The following CCDC171 variants were observed in gnomAD, a reference collection of about 807,000 sequenced individuals.
The protein encoded by CCDC171 is coiled-coil domain containing 171, also known as coiled-coil domain-containing protein 171.
In CCDC171, 177 loss-of-function variants were observed where a neutral mutation model predicts 168.2. That is an observed-to-expected ratio of 1.05 (90% CI 0.93 to 1.19). The LOEUF is 1.19. CCDC171 is among the 50% of genes most tolerant of loss of function. The pLI, the probability that CCDC171 is intolerant of heterozygous loss-of-function variation, is 0.00. For missense variants in CCDC171, 1,991 were observed against 1,539.0 expected (o/e 1.29, Z -4.91); for synonymous variants, 687 against 540.8 (o/e 1.27, Z -3.75).
At chr9:15,885,346 G>T (rs1411832189) in intron 24 of CCDC171, among the ~76,000 whole-genome samples, 6 of 152,064 alleles carry the variant, frequency 3.9e-5, no homozygotes, top group African/African-American at 1.4e-4. Context: ...AATGTTAAGA[G>T]GCAAAAACTA....
intron 6 of CCDC171, among the ~76,000 whole-genome samples, chr9:16,033,022 C>A (rs1833391801): frequency 6.6e-6 from 1 of 152,118 alleles, no homozygotes; most frequent in Non-Finnish European, 1.5e-5. Flanking sequence ...ACCTGCTGGC[C>A]AGAGGAGGGC....
intron 24 of CCDC171, among the ~76,000 whole-genome samples, chr9:15,901,041 TTA>T (rs1821573064): frequency 6.6e-6 from 1 of 152,152 alleles, no homozygotes. Flanking sequence ...CCTTAATAAC[TTA>T]TATATGTGTT....
intron 16 of CCDC171, among the ~76,000 whole-genome samples, chr9:15,737,122 A>G (rs1488378842): frequency 1.3e-5 from 2 of 152,010 alleles, no homozygotes; most frequent in Admixed American, 6.6e-5. Flanking sequence ...TATATCATAA[A>G]TTGCTACTGT....
intron 8 of CCDC171, among the ~76,000 whole-genome samples, chr9:15,661,952 A>G (rs1426814259): frequency 6.6e-6 from 1 of 152,212 alleles, no homozygotes; most frequent in Non-Finnish European, 1.5e-5. Context: ...AGTTGTATCT[A>G]CCTATTTTAC....
intron 2 of CCDC171, among the ~76,000 whole-genome samples, chr9:15,568,174 T>C (rs2039901692): frequency 6.6e-6 from 1 of 152,164 alleles, no homozygotes; most frequent in African/African-American, 2.4e-5. Flanking sequence ...ATGTCCTTTG[T>C]AATTAAAGAC....
At chr9:15,989,951 A>C (rs1832131195) in intron 3 of CCDC171, among the ~76,000 whole-genome samples, 1 of 152,236 alleles carries the variant, frequency 6.6e-6, no homozygotes, top group South Asian at 2.1e-4. Flanking sequence ...TCTATGTCTG[A>C]TTGGTGTACT....
chr9:15,942,607 G>C (rs1564035023), intron 25 of CCDC171, among the ~76,000 whole-genome samples: 4 of 151,874 alleles, frequency 2.6e-5, no homozygotes, highest in Admixed American at 6.6e-5. Context: ...TATACTAGTA[G>C]ACAATCTGTA....
At chr9:16,080,945 C>T in the CCDC171 span, among the ~76,000 whole-genome samples, 11 of 152,294 alleles carry the variant, frequency 7.2e-5, no homozygotes, top group Admixed American at 6.5e-4. Context: ...AGTTCTCTAA[C>T]AAGCTCTGAT....
At chr9:15,810,337 T>C (rs561117812) in intron 21 of CCDC171, among the ~76,000 whole-genome samples, 2 of 152,332 alleles carry the variant, frequency 1.3e-5, no homozygotes, top group African/African-American at 4.8e-5. Flanking sequence ...TGGCTTTGCC[T>C]AGTGGATCCC....
chr9:15,999,106 G>T (rs1245583946), intron 3 of CCDC171, among the ~76,000 whole-genome samples: 3 of 151,872 alleles, frequency 2.0e-5, no homozygotes, highest in African/African-American at 7.3e-5. Context: ...AACTACACAG[G>T]ATGCTGAGAT....
At chr9:16,020,104 T>C (rs1475970385) in intron 3 of CCDC171, among the ~76,000 whole-genome samples, 1 of 152,072 alleles carries the variant, frequency 6.6e-6, no homozygotes, top group Non-Finnish European at 1.5e-5. Context: ...ATCCAAAAGC[T>C]CCATAATCCA....
chr9:15,646,543 A>C (rs1216734078), intron 7 of CCDC171, among the ~76,000 whole-genome samples: 3 of 152,232 alleles, frequency 2.0e-5, no homozygotes, highest in Admixed American at 2.0e-4. Context: ...CTTAAAATGA[A>C]GGGATGGAGG....
intron 18 of CCDC171, among the ~76,000 whole-genome samples, chr9:15,761,434 T>C (rs2056439277): frequency 1.3e-5 from 2 of 152,108 alleles, no homozygotes; most frequent in Non-Finnish European, 2.9e-5. Context: ...TTAAAAAAAT[T>C]ATAAAAAGAA....
At chr9:15,615,245 AGTCAG>A (rs1163486628) in intron 6 of CCDC171, among the ~76,000 whole-genome samples, 2 of 152,204 alleles carry the variant, frequency 1.3e-5, no homozygotes, top group Admixed American at 1.3e-4. Flanking sequence ...AACTCAATGT[AGTCAG>A]TTAATTAATG....
intron 12 of CCDC171, among the ~76,000 whole-genome samples, chr9:15,723,480 T>A (rs2053613935): frequency 6.6e-6 from 1 of 152,226 alleles, no homozygotes; most frequent in South Asian, 2.1e-4. Flanking sequence ...TTTAGCCACA[T>A]GAACTTGTGA....
intron 24 of CCDC171, among the ~76,000 whole-genome samples, chr9:15,885,008 A>G (rs568378172): frequency 6.6e-6 from 1 of 152,330 alleles, no homozygotes; most frequent in East Asian, 1.9e-4. Context: ...GTATACAGCC[A>G]TTGCCAAGAC....
intron 3 of CCDC171, among the ~76,000 whole-genome samples, chr9:16,016,462 T>C (rs1179664062): frequency 6.6e-6 from 1 of 152,180 alleles, no homozygotes; most frequent in Non-Finnish European, 1.5e-5. Context: ...AATCAAGCAA[T>C]GGCCAGAGCT....
At position 15,573,112 on chromosome 9, in the gene CCDC171, A is replaced by T. The variant is rs868124534; in HGVS notation, c.177+1353A>T. On this transcript the variant is annotated intron_variant, in intron 3 of 25. Transcript: ENST00000380701. ...AGCTGGAAGGTTGCAGTGAGCTGAGATCGTGCCACTGCACTCCAGCCTGGG... is the reference window on the plus strand; with the variant it reads ...AGCTGGAAGGTTGCAGTGAGCTGAGTTCGTGCCACTGCACTCCAGCCTGGG... 2.6e-5 allele frequency among the ~76,000 whole-genome samples: 4 copies of T among 151,672 alleles called. No homozygotes were observed. In the South Asian group the frequency reaches 8.6e-4, roughly 32 times the overall value.
At chr9:15,705,513 T>G (rs964226231) in intron 11 of CCDC171, among the ~76,000 whole-genome samples, 2 of 152,246 alleles carry the variant, frequency 1.3e-5, no homozygotes, top group African/African-American at 4.8e-5. Context: ...GCCTTTGTAC[T>G]GACCATTCCT....
Sources: gnomAD v4.1 joint callset for allele counts (sites outside exome capture counted in the v4.1 genomes callset) on GRCh38, gnomAD v4.1.1 for gene constraint, MANE v1.5 for transcripts, NCBI Gene and HGNC (gene_info 2026-07-23, HGNC 2026-07-21) for gene names.